PRMT2: variants seen among roughly 807,000 people sequenced by gnomAD.
PRMT2 encodes protein arginine methyltransferase 2.
In PRMT2, 26 loss-of-function variants were observed where a neutral mutation model predicts 57.6. That is an observed-to-expected ratio of 0.45 (90% CI 0.33 to 0.63). PRMT2 has a LOEUF of 0.63. Among genes scored for constraint, PRMT2 ranks in the 20% least tolerant of loss-of-function variants. The pLI is 0.02. For missense variants in PRMT2, 472 were observed against 564.4 expected, an observed-to-expected ratio of 0.84 and a Z score of 1.66; for synonymous variants, 219 against 220.0, an observed-to-expected ratio of 1.00 and a Z score of 0.04.
rs186091486 is a variant in PRMT2, at chr21:46,663,613, C to T, written c.1269+59C>T. 33 of 1,557,946 alleles carry T rather than the reference C, an allele frequency of 2.1e-5. No homozygotes were observed. In the African/African-American group the frequency reaches 4.2e-4, roughly 20 times the overall value. On this transcript the variant is annotated intron_variant, in intron 11 of 11. Transcript: ENST00000355680. ...GGTGCCGGTCCTCAGGGAGACAGGCCTGGGTGGTGGTAGTGATGGCAGATG... is the reference window on the plus strand; with the variant it reads ...GGTGCCGGTCCTCAGGGAGACAGGCTTGGGTGGTGGTAGTGATGGCAGATG...
chr21:46,644,231 G>T, intron 4 of PRMT2, 75 bp from the exon 5 acceptor site: 1 of 1,409,552 alleles, frequency 7.1e-7, no homozygotes, highest in Non-Finnish European at 9.7e-7. Context: ...CACCATTGAT[G>T]GGATTTATCA....
chr21:46,652,163 T>C, intron 7 of PRMT2: 1 of 1,433,050 alleles, frequency 7.0e-7, no homozygotes, highest in Admixed American at 2.8e-5. Context: ...TCACACCATC[T>C]GCTAAAATAA....
chr21:46,651,650 C>T (rs1258575277), intron 7 of PRMT2, among the ~76,000 whole-genome samples: 1 of 152,166 alleles, frequency 6.6e-6, no homozygotes, highest in African/African-American at 2.4e-5. Flanking sequence ...ACCATCATTA[C>T]TCAGGCCAAG....
At chr21:46,656,280 C>T (rs899704401) in intron 7 of PRMT2, among the ~76,000 whole-genome samples, 1 of 152,182 alleles carries the variant, frequency 6.6e-6, no homozygotes, top group Admixed American at 6.5e-5. Flanking sequence ...ATGCCCAATC[C>T]TGAACTTTCC....
intron 8 of PRMT2, chr21:46,660,217 T>C: frequency 3.1e-6 from 3 of 954,442 alleles, no homozygotes; most frequent in African/African-American, 1.8e-5. Context: ...ACAAGCCTAG[T>C]GCAGCCAGTG....
rs148794096 is a variant in PRMT2 at position 46,643,535 on chromosome 21, G to A, written c.40G>A (p.Gly14Arg). ...TCACGCTTTCCTTGGCTTTGAGCAG[G>A]GAGAAGAGCCTGCTGAGTGCAGTGA... The part of the protein sequence containing the change: ...SGDCPRSESQ[G>R]EEPAECSEAG... Residue 14 changes from glycine (G) to arginine (R), a missense_variant and splice_region_variant, in exon 4 of 12, where the codon GGA becomes AGA. Transcript: ENST00000355680. 90 of 1,573,272 alleles carry A rather than the reference G, an allele frequency of 5.7e-5. No individual in the cohort carries two copies. In the African/African-American group the frequency reaches 1.1e-3, roughly 19 times the overall value.
intron 5 of PRMT2, among the ~76,000 whole-genome samples, chr21:46,646,338 A>G (rs2061365033): frequency 6.6e-6 from 1 of 152,222 alleles, no homozygotes; most frequent in Non-Finnish European, 1.5e-5. Flanking sequence ...AAAGATACAT[A>G]ATGAAAAGCC....
At chr21:46,636,870 G>C in intron 2 of PRMT2, 26 bp from the exon 3 acceptor site, 5 of 1,405,736 alleles carry the variant, frequency 3.6e-6, no homozygotes, top group South Asian at 2.5e-5. Context: ...CAAGTACTTT[G>C]TGTCTCCTTC....
chr21:46,648,367 C>CA lies in PRMT2; in HGVS notation c.328-90dup. On this transcript the variant is annotated intron_variant, in intron 5 of 11. Transcript: ENST00000355680. The surrounding 1 kb of genome is among the most constrained non-coding windows in gnomAD (Gnocchi z 4.8). ...CCATAGGGGTGTTGGGGTCAGGGGT[C>CA]ATCAGCTGTGGCTCTGACCCTCCAT... is the stretch of plus-strand genomic sequence containing the variant. 1.4e-6 allele frequency: 2 copies of CA among 1,416,702 alleles called. No individual in the cohort carries two copies. Among genetic ancestry groups the CA allele is most frequent in the South Asian group, 2.6e-5 (2 of 78,242 alleles). The allele number at this position is 1,416,702 out of a possible 1,614,324, so 87.8% of individuals were successfully genotyped here. A position where few individuals can be genotyped will look rare whatever the true frequency, so the allele number is the denominator to read the frequency against.
intron 11 of PRMT2, 29 bp from the exon 12 acceptor site, chr21:46,664,266 A>C (rs1453075523): frequency 6.5e-7 from 1 of 1,531,616 alleles, no homozygotes; most frequent in South Asian, 1.1e-5. Context: ...TTATCATCTG[A>C]TTGACCTGTT....
chr21:46,649,499 T>C lies in PRMT2; in HGVS notation c.490-76T>C. 2 of 1,603,206 alleles carry C rather than the reference T, an allele frequency of 1.2e-6. No individual in the cohort carries two copies. Among genetic ancestry groups the C allele is most frequent in the South Asian group, 2.2e-5 (2 of 90,734 alleles). On this transcript the variant is annotated intron_variant, in intron 6 of 11. Transcript: ENST00000355680. The surrounding 1 kb of genome is among the most constrained non-coding windows in gnomAD (Gnocchi z 4.8). ...TGTCATTGACCATTTCTCGTGATGC[T>C]GGTTGTGACTCAGGAGAGTAGATGA...
intron 7 of PRMT2, among the ~76,000 whole-genome samples, chr21:46,650,096 C>T (rs1469660120): frequency 1.3e-5 from 2 of 152,238 alleles, no homozygotes; most frequent in Non-Finnish European, 2.9e-5. Context: ...TCGCCTTAGA[C>T]TGGCCCCAGT....
chr21:46,636,084 CG>C (rs1381636193), intron 1 of PRMT2: 2 of 153,004 alleles, frequency 1.3e-5, no homozygotes, highest in Non-Finnish European at 2.9e-5. Context: ...GCCCCTGCCC[CG>C]AAGCTCGCGG....
intron 3 of PRMT2, among the ~76,000 whole-genome samples, chr21:46,642,838 C>G (rs1372212362): frequency 6.6e-6 from 1 of 152,128 alleles, no homozygotes; most frequent in Non-Finnish European, 1.5e-5. Flanking sequence ...ACCTGGGCAA[C>G]ATGGTGAAAC....
intron 8 of PRMT2, 78 bp from the exon 9 acceptor site, chr21:46,660,755 C>G: frequency 6.5e-7 from 1 of 1,536,936 alleles, no homozygotes; most frequent in Non-Finnish European, 8.9e-7. Flanking sequence ...AGAGCACTCA[C>G]CGCGGTCCCA....
intron 7 of PRMT2, chr21:46,658,089 G>A (rs76062475): frequency 0.07 from 10,676 of 152,420 alleles, 531 homozygotes; most frequent in Non-Finnish European, 0.1. Flanking sequence ...GTGGTTTGCA[G>A]GGGCCACAGG....
In PRMT2 at chr21:46,649,616, G is replaced by T. The variant is rs373144457; in HGVS notation, c.531G>T (p.Gly177=). 576 of 1,614,018 alleles carry T rather than the reference G, an allele frequency of 3.6e-4. No homozygotes were observed. The highest frequency in any genetic ancestry group is 4.7e-4 in the Non-Finnish European group (556 of 1,180,042). Residue 177 remains glycine, a synonymous_variant, in exon 7 of 12, where the codon GGG becomes GGT. Transcript: ENST00000355680. The surrounding 1 kb of genome is among the most constrained non-coding windows in gnomAD (Gnocchi z 4.8). ...VEASEMAQHT[G]QLVLQNGFAD... ...CCAGTGAGATGGCACAGCACACGGG[G>T]CAGCTGGTCCTGCAGAACGGCTTTG...
chr21:46,635,778 G>A lies in PRMT2; in HGVS notation c.-166+15G>A, dbSNP rs940224380. 1 of 152,378 alleles carries A rather than the reference G, an allele frequency of 6.6e-6. No individual in the cohort carries two copies. The highest frequency in any genetic ancestry group is 1.5e-5 in the Non-Finnish European group (1 of 68,126). The allele number at this position is 152,378 out of a possible 1,614,324, so 9.4% of individuals were successfully genotyped here. The stretch of plus-strand genomic sequence containing the variant: ...ACGCGATTGAGGTAGGTGTCCTGAT[G>A]GGCAGCTCAGATGGCTGGACTGCAC... On this transcript the variant is annotated intron_variant, in intron 1 of 11. Coordinates refer to ENST00000355680, the MANE Select transcript of PRMT2 (RefSeq NM_206962.4).
At chr21:46,642,637 A>C (rs1404179188) in intron 3 of PRMT2, among the ~76,000 whole-genome samples, 2 of 152,200 alleles carry the variant, frequency 1.3e-5, no homozygotes, top group Non-Finnish European at 2.9e-5. Context: ...TTTAAAATGT[A>C]TGTATTGAGA....
Sources: gnomAD v4.1 joint callset for allele counts (sites outside exome capture counted in the v4.1 genomes callset) on GRCh38, gnomAD v4.1.1 for gene constraint, Gnocchi (gnomAD v3.1) non-coding constraint, MANE v1.5 for transcripts, NCBI Gene and HGNC (gene_info 2026-07-23, HGNC 2026-07-21) for gene names.